LSS: variants seen among roughly 807,000 people sequenced by gnomAD.
LSS encodes 2,3-epoxysqualene-lanosterol cyclase.
Under a neutral mutation model 110.3 loss-of-function variants are expected in LSS, and 90 were observed. The ratio of observed to expected loss-of-function variants is 0.82; its 90% CI spans 0.69 to 0.97. The LOEUF (loss-of-function observed/expected upper bound fraction) is 0.97. Ranked by LOEUF, LSS falls within the 50% of genes least tolerant of loss-of-function variation. The pLI is 0.00. For missense variants in LSS, 927 were observed against 990.0 expected (o/e 0.94, Z 0.85); for synonymous variants, 433 against 400.0 (o/e 1.08, Z -0.98).
chr21:46,197,038 T>C (rs1478212374), intron 17 of LSS, among the ~76,000 whole-genome samples: 1 of 152,206 alleles, frequency 6.6e-6, no homozygotes, highest in Non-Finnish European at 1.5e-5. Context: ...GGAGAGACCC[T>C]GAGGCAGAGG....
At chr21:46,195,936 G>T (rs558477695) in intron 18 of LSS, among the ~76,000 whole-genome samples, 180 bp from the exon 19 acceptor site, 2 of 152,330 alleles carry the variant, frequency 1.3e-5, no homozygotes, top group South Asian at 4.1e-4. Flanking sequence ...AAGCAGAAAG[G>T]GTGGAGGGAA....
intron 9 of LSS, among the ~76,000 whole-genome samples, chr21:46,214,523 T>C (rs1215325687): frequency 6.6e-6 from 1 of 152,234 alleles, no homozygotes; most frequent in Non-Finnish European, 1.5e-5. Flanking sequence ...CAGTGCCACC[T>C]GGGTATGTCC....
At chr21:46,197,758 A>G (rs1021451623) in intron 17 of LSS, among the ~76,000 whole-genome samples, 2 of 151,992 alleles carry the variant, frequency 1.3e-5, no homozygotes, top group African/African-American at 4.8e-5. Context: ...GCATGATGAC[A>G]GGCGCCTGTA....
In LSS at chr21:46,227,627, T is replaced by C; in HGVS notation, c.244A>G (p.Thr82Ala). The C allele has an allele frequency of 1.2e-6, 2 of 1,613,696 alleles. No homozygotes were observed. Among genetic ancestry groups the C allele is most frequent in the Non-Finnish European group, 1.7e-6 (2 of 1,179,980 alleles). ...TAFEGALNGMTFYVGLQAEDG... is the reference protein window; with the variant it reads ...TAFEGALNGMAFYVGLQAEDG... The stretch of plus-strand genomic sequence containing the variant: ...TCAGCCTGCAGCCCCACGTAAAATG[T>C]CATCCCGTTCAGAGCCCCCTCAAAG... The change falls in exon 3 of 22, where the codon ACA becomes GCA. Residue 82 changes from threonine (T) to alanine (A), a missense_variant. Physicochemically the swap from Thr to Ala is moderately conservative, Grantham distance 58. Transcript: ENST00000397728.
At chr21:46,195,166 TG>T (rs2079892734) in intron 19 of LSS, among the ~76,000 whole-genome samples, 1 of 152,214 alleles carries the variant, frequency 6.6e-6, no homozygotes. Flanking sequence ...GGCATCTGTA[TG>T]CCTGGAGGGG....
Position 46,222,703 on chromosome 21 carries a change from G to T in LSS, c.355C>A (p.Leu119Met). 1 of 1,613,932 alleles carries T rather than the reference G, an allele frequency of 6.2e-7. No homozygotes were observed. Among genetic ancestry groups the T allele is most frequent in the Admixed American group, 1.7e-5 (1 of 60,032 alleles). Reference sequence around the variant, plus strand: ...ATCTCTTCTCTGTATCCGGCTGGCAGAGGGATGCGTGCCACGTGGCAAGTG... The same window carrying T: ...ATCTCTTCTCTGTATCCGGCTGGCATAGGGATGCGTGCCACGTGGCAAGTG... ...LITCHVARIPLPAGYREEIVR... is the reference protein window; with the variant it reads ...LITCHVARIPMPAGYREEIVR... Residue 119 changes from leucine to methionine, a missense_variant, in exon 4 of 22, where the codon CTG becomes ATG. Leu to Met is a conservative substitution (Grantham distance 15). Coordinates refer to ENST00000397728, the MANE Select transcript of LSS (RefSeq NM_002340.6).
intron 20 of LSS, 147 bp downstream of exon 20, chr21:46,194,344 G>A (rs961941216): frequency 2.6e-5 from 24 of 932,298 alleles, no homozygotes; most frequent in Non-Finnish European, 3.5e-5. Flanking sequence ...TGTGGCTCTT[G>A]TAGGTGTCTG....
Position 46,190,985 on chromosome 21 carries a change from T to A in LSS, c.*119A>T. 8.2e-7 allele frequency: 1 copy of A among 1,224,956 alleles called. No homozygotes were observed. 75.9% of individuals were successfully genotyped at this position (1,224,956 alleles called of 1,614,324 possible). A position where few individuals can be genotyped will look rare whatever the true frequency, so the allele number is the denominator to read the frequency against. On this transcript the variant is annotated 3_prime_UTR_variant, in exon 22 of 22. Transcript: ENST00000397728. This position sits in a 1 kb window ranked among gnomAD's most constrained non-coding sequence, Gnocchi z 4.6. ...AGCCTGGCCCCCAGATTCACATCTA[T>A]GAGATAGAGGTTGAGGGGTTGGAGC...
At chr21:46,223,906 C>T (rs1027155566) in intron 3 of LSS, among the ~76,000 whole-genome samples, 10 of 152,182 alleles carry the variant, frequency 6.6e-5, no homozygotes, top group Non-Finnish European at 4.4e-5. Context: ...ACAACACCCG[C>T]TACTTAGCAG....
At chr21:46,191,765 G>A (rs1257198188) in intron 21 of LSS, 116 bp downstream of exon 21, 25 of 831,826 alleles carry the variant, frequency 3.0e-5, no homozygotes, top group South Asian at 2.5e-4. Context: ...CAGAGGTGAC[G>A]CCTCCCAAGT....
chr21:46,203,593 G>C (rs191138635), intron 17 of LSS, among the ~76,000 whole-genome samples: 1 of 152,302 alleles, frequency 6.6e-6, no homozygotes, highest in Admixed American at 6.5e-5. Context: ...TTTTTAAAAG[G>C]CCAATTCTCT....
intron 14 of LSS, 70 bp downstream of exon 14, chr21:46,208,181 G>A: frequency 6.9e-7 from 1 of 1,456,822 alleles, no homozygotes; most frequent in Non-Finnish European, 9.4e-7. Context: ...CCTTCAGAGG[G>A]AAGGACCCAC....
rs2187118 is a variant in LSS, at chr21:46,191,396, A to G, written c.2068-161T>C. Among the ~76,000 whole-genome samples the G allele has an allele frequency of 0.57, 87,055 of 152,012 alleles. 25,115 individuals are homozygous for G. Among genetic ancestry groups the G allele is most frequent in the East Asian group, 0.69 (3,561 of 5,160 alleles). On this transcript the variant is annotated intron_variant, in intron 21 of 21. Transcript: ENST00000397728. ...TAGGAAAGCAAGTAGTCCATCCCGC[A>G]TCAGTCATGGCACCATCAGCCCAGC...
At position 46,227,551 on chromosome 21, in the gene LSS, C is replaced by T. The variant is rs1397570973; in HGVS notation, c.319+1G>A. The T allele has an allele frequency of 6.2e-7, 1 of 1,613,872 alleles. No individual in the cohort carries two copies. Among genetic ancestry groups the T allele is most frequent in the Non-Finnish European group, 8.5e-7 (1 of 1,179,994 alleles). ...ATCAGGCTGGGGCAGCATACTCCTA[C>T]CTGGCAGGAGGAAAAGTGGGCCACC... is the stretch of plus-strand genomic sequence containing the variant. On this transcript the variant is annotated splice_donor_variant, in intron 3 of 21. Transcript: ENST00000397728. LOFTEE classifies it high-confidence loss of function.
rs768819652 is a variant in LSS, at chr21:46,209,660, C to T, written c.1195-35G>A. ...ACAGCAGGACAGAGAGGCTCAGCTG[C>T]CCTTGCACGGCCAGCATGGCTGCGC... On this transcript the variant is annotated intron_variant, in intron 12 of 21. Transcript: ENST00000397728. This position sits in a 1 kb window ranked among gnomAD's most constrained non-coding sequence, Gnocchi z 4.4. 6.3e-7 allele frequency: 1 copy of T among 1,578,984 alleles called. No homozygotes were observed. Among genetic ancestry groups the T allele is most frequent in the Non-Finnish European group, 8.6e-7 (1 of 1,156,420 alleles).
At chr21:46,226,161 A>C (rs1601454331) in intron 3 of LSS, among the ~76,000 whole-genome samples, 1 of 151,190 alleles carries the variant, frequency 6.6e-6, no homozygotes, top group African/African-American at 2.4e-5. Context: ...ATACAAAAAA[A>C]CTCCAACTCA....
At chr21:46,214,941 A>G (rs760812626) in intron 9 of LSS, among the ~76,000 whole-genome samples, 1 of 150,744 alleles carries the variant, frequency 6.6e-6, no homozygotes, top group Non-Finnish European at 1.5e-5. Context: ...TGAGGACAAG[A>G]GCCGGTGGGG....
At chr21:46,198,340 C>G (rs765596167) in intron 17 of LSS, among the ~76,000 whole-genome samples, 1 of 150,640 alleles carries the variant, frequency 6.6e-6, no homozygotes, top group Non-Finnish European at 1.5e-5. Context: ...TAAAACACAA[C>G]GCCATTTACA....
intron 6 of LSS, among the ~76,000 whole-genome samples, chr21:46,217,276 A>G (rs1454376455): frequency 8.1e-6 from 1 of 123,072 alleles, no homozygotes; most frequent in Non-Finnish European, 1.9e-5. Flanking sequence ...AAAGAAAGAA[A>G]AAAGAAACTG....
Sources: gnomAD v4.1 joint callset for allele counts (sites outside exome capture counted in the v4.1 genomes callset) on GRCh38, gnomAD v4.1.1 for gene constraint, Gnocchi (gnomAD v3.1) non-coding constraint, MANE v1.5 for transcripts, NCBI Gene and HGNC (gene_info 2026-07-23, HGNC 2026-07-21) for gene names.